The following NOP58 variants were observed in gnomAD, a reference collection of about 807,000 sequenced individuals.
NOP58 encodes the protein NOP58 ribonucleoprotein, also known as nucleolar protein 58.
Under a neutral mutation model 71.2 loss-of-function variants are expected in NOP58, and 44 were observed. The ratio of observed to expected loss-of-function variants is 0.62; its 90% CI spans 0.49 to 0.79. The LOEUF (loss-of-function observed/expected upper bound fraction) is 0.79, where lower values mean the gene tolerates loss of function less well. Ranked by LOEUF, NOP58 falls within the 30% of genes least tolerant of loss-of-function variation. The probability of loss-of-function intolerance (pLI) is 0.00; values close to 1 mark genes in which losing one functional copy is unlikely to be tolerated. For missense variants in NOP58, 538 were observed against 620.2 expected (o/e 0.87, Z 1.41); for synonymous variants, 228 against 200.3 (o/e 1.14, Z -1.17).
intron 6 of NOP58, among the ~76,000 whole-genome samples, chr2:202,288,621 C>T (rs774775876): frequency 1.5e-4 from 23 of 151,972 alleles, no homozygotes; most frequent in Non-Finnish European, 2.6e-4. Context: ...AGTTCGAGAT[C>T]AGGCCAACAT....
rs201091351 is a variant in NOP58 at position 202,303,325 on chromosome 2, A to G, written c.1540-61A>G. On this transcript the variant is annotated intron_variant, in intron 14 of 14. Coordinates refer to ENST00000264279, the MANE Select transcript of NOP58 (RefSeq NM_015934.5). ...TATAGGTGGGGTTTTTATATTTTCA[A>G]TGTGATTACTCACCCATACAATTTC... 897 of 1,593,046 alleles carry G rather than the reference A, an allele frequency of 5.6e-4. 4 individuals carry two copies. Among genetic ancestry groups the G allele is most frequent in the Middle Eastern group, 1.9e-3 (11 of 5,936 alleles).
At chr2:202,297,680 G>C (rs1422311303) in intron 11 of NOP58, among the ~76,000 whole-genome samples, 165 bp from the exon 12 acceptor site, 1 of 152,124 alleles carries the variant, frequency 6.6e-6, no homozygotes, top group East Asian at 1.9e-4. Context: ...ACCAAGAATT[G>C]ATGTATCCAA....
chr2:202,298,040 A>G (rs1574389526), intron 12 of NOP58, 134 bp downstream of exon 12: 3 of 571,116 alleles, frequency 5.3e-6, no homozygotes, highest in Non-Finnish European at 9.2e-6. Flanking sequence ...AAAATTGTGT[A>G]TGTTTATTGT....
chr2:202,303,327 G>A, intron 14 of NOP58, 59 bp from the exon 15 acceptor site: 3 of 1,594,096 alleles, frequency 1.9e-6, no homozygotes, highest in South Asian at 1.1e-5. Flanking sequence ...TATTTTCAAT[G>A]TGATTACTCA....
chr2:202,302,810 A>G (rs1689116121), intron 13 of NOP58, 111 bp from the exon 14 acceptor site: 1 of 1,402,032 alleles, frequency 7.1e-7, no homozygotes, highest in African/African-American at 1.4e-5. Flanking sequence ...CAAAACAAAC[A>G]TTGGGTAGTT....
intron 8 of NOP58, 116 bp from the exon 9 acceptor site, chr2:202,292,661 G>A (rs1422940750): frequency 3.9e-6 from 3 of 776,966 alleles, no homozygotes; most frequent in East Asian, 2.5e-5. Context: ...GATGTACCCA[G>A]TACCCAGGGT....
intron 12 of NOP58, 35 bp from the exon 13 acceptor site, chr2:202,300,199 G>C (rs1689067183): frequency 1.3e-6 from 2 of 1,532,270 alleles, no homozygotes; most frequent in Non-Finnish European, 8.8e-7. Flanking sequence ...CCAGATACTT[G>C]TTAGAGATTT....
At chr2:202,291,549 G>A (rs1005607678) in intron 8 of NOP58, 8 of 218,828 alleles carry the variant, frequency 3.7e-5, no homozygotes, top group Non-Finnish European at 9.1e-6. Flanking sequence ...GCTCACGCCT[G>A]TAATCCCCGC....
At position 202,265,997 on chromosome 2, in the gene NOP58, G is replaced by C; in HGVS notation, c.45+11G>C. 1 of 1,614,070 alleles carries C rather than the reference G, an allele frequency of 6.2e-7. No individual in the cohort carries two copies. Among genetic ancestry groups the C allele is most frequent in the South Asian group, 1.1e-5 (1 of 91,078 alleles). On this transcript the variant is annotated intron_variant, in intron 1 of 14. Transcript: ENST00000264279. ...TACGCCATCTTTAAGGTAGGTGGGAGAGCGAGCCGTTAAAGGGGGAAGGCG... is the reference window on the plus strand; with the variant it reads ...TACGCCATCTTTAAGGTAGGTGGGACAGCGAGCCGTTAAAGGGGGAAGGCG...
At chr2:202,269,078 C>T (rs1688472273) in intron 1 of NOP58, among the ~76,000 whole-genome samples, 3 of 152,098 alleles carry the variant, frequency 2.0e-5, no homozygotes, top group Admixed American at 6.6e-5. Context: ...CAGCCTTGGC[C>T]TCCTGGGTCA....
chr2:202,287,808 G>C, intron 6 of NOP58, 84 bp downstream of exon 6: 1 of 1,107,498 alleles, frequency 9.0e-7, no homozygotes, highest in East Asian at 2.5e-5. Context: ...TTATGATTCT[G>C]TCTGTTGAGA....
Position 202,291,213 on chromosome 2 carries a change from A to C in NOP58, c.723A>C (p.Ser241=), listed in dbSNP as rs3731700. Reference sequence around the variant, plus strand: ...AAGTGAAAGCAGCTGCAGAGATATCAATGGGAACAGAGGTTTCAGAAGAAG... The same window carrying C: ...AAGTGAAAGCAGCTGCAGAGATATCCATGGGAACAGAGGTTTCAGAAGAAG... The part of the protein sequence containing the change: ...EAEVKAAAEI[S]MGTEVSEEDI... Residue 241 remains serine (S), a synonymous_variant, in exon 8 of 15, where the codon TCA becomes TCC. Transcript: ENST00000264279. 189,440 of 1,611,242 alleles carry C rather than the reference A, an allele frequency of 0.12. 12,611 individuals carry two copies. Among genetic ancestry groups the C allele is most frequent in the South Asian group, 0.23 (20,626 of 90,262 alleles).
intron 11 of NOP58, 62 bp downstream of exon 11, chr2:202,297,575 A>T: frequency 6.6e-7 from 1 of 1,514,544 alleles, no homozygotes; most frequent in Non-Finnish European, 9.0e-7. Flanking sequence ...AAACTGAGTA[A>T]ATTTATTAAC....
chr2:202,269,195 G>A (rs1485511039), intron 1 of NOP58, among the ~76,000 whole-genome samples: 1 of 149,838 alleles, frequency 6.7e-6, no homozygotes, highest in Non-Finnish European at 1.5e-5. Flanking sequence ...TTTTTGAGAT[G>A]GAGTCTCACT....
intron 12 of NOP58, chr2:202,300,008 A>G: frequency 2.4e-6 from 1 of 420,230 alleles, no homozygotes; most frequent in Non-Finnish European, 4.3e-6. Flanking sequence ...ATCAGAATTC[A>G]TTTAGCTCAC....
chr2:202,281,106 T>C, intron 3 of NOP58, among the ~76,000 whole-genome samples: 1 of 151,982 alleles, frequency 6.6e-6, no homozygotes, highest in African/African-American at 2.4e-5. Context: ...CCTTCATTCC[T>C]GCCAAGCATT....
chr2:202,303,197 T>C lies in NOP58; in HGVS notation c.1539+140T>C, dbSNP rs1016603595. The stretch of plus-strand genomic sequence containing the variant: ...AGAGGTAAAAGTGAAATGGCTTTGT[T>C]GTATTTATATTATAAAAGGCCATTT... On this transcript the variant is annotated intron_variant, in intron 14 of 14. Coordinates refer to ENST00000264279, the MANE Select transcript of NOP58 (RefSeq NM_015934.5). 158 of 1,300,216 alleles carry C rather than the reference T, an allele frequency of 1.2e-4. No homozygotes were observed. In the Middle Eastern group the frequency reaches 1.5e-3, roughly 13 times the overall value. 80.5% of individuals were successfully genotyped at this position (1,300,216 alleles called of 1,614,324 possible). A position where few individuals can be genotyped will look rare whatever the true frequency, so the allele number is the denominator to read the frequency against.
intron 13 of NOP58, 36 bp from the exon 14 acceptor site, chr2:202,302,885 G>A (rs1483588357): frequency 6.3e-7 from 1 of 1,584,534 alleles, no homozygotes; most frequent in Non-Finnish European, 8.5e-7. Flanking sequence ...CTGATACAGT[G>A]TTAATTTGTT....
Position 202,278,005 on chromosome 2 carries a change from A to T in NOP58, c.175+3A>T, listed in dbSNP as rs1377406187. On this transcript the variant is annotated splice_donor_region_variant and intron_variant, in intron 3 of 14. Coordinates refer to ENST00000264279, the MANE Select transcript of NOP58 (RefSeq NM_015934.5). ...GGATACAGCAGAAGCATTAGCAGGT[A>T]AAGTAAAAAATTAGAAGCTTGCTTT... 1 of 1,539,246 alleles carries T rather than the reference A, an allele frequency of 6.5e-7. No individual in the cohort carries two copies. Among genetic ancestry groups the T allele is most frequent in the Non-Finnish European group, 8.9e-7 (1 of 1,119,806 alleles).
Sources: allele counts gnomAD v4.1 joint callset (sites outside exome capture counted in the v4.1 genomes callset), GRCh38; gene constraint gnomAD v4.1.1; transcripts MANE v1.5; gene names NCBI Gene and HGNC (gene_info 2026-07-23, HGNC 2026-07-21).